ARHGAP42: variants seen among roughly 807,000 people sequenced by gnomAD.
The protein encoded by ARHGAP42 is Rho GTPase activating protein 42, also known as rho GTPase-activating protein 42.
Under a neutral mutation model 125.0 loss-of-function variants are expected in ARHGAP42, and 63 were observed. The ratio of observed to expected loss-of-function variants is 0.50; its 90% confidence interval spans 0.41 to 0.62. The LOEUF (loss-of-function observed/expected upper bound fraction) is 0.62. ARHGAP42 is among the 20% of genes least tolerant of loss of function. The pLI is 0.00. For missense variants in ARHGAP42, 766 were observed against 1,024.2 expected, an observed-to-expected ratio of 0.75 and a Z score of 3.44; for synonymous variants, 339 against 351.0, an observed-to-expected ratio of 0.97 and a Z score of 0.38.
chr11:100,757,198 T>TTAGCTA (rs1862597326), intron 1 of ARHGAP42, among the ~76,000 whole-genome samples: 1 of 152,202 alleles, frequency 6.6e-6, no homozygotes, highest in African/African-American at 2.4e-5. Context: ...TATTTGCTAC[T>TTAGCTA]TAGCTAAATC....
At chr11:100,985,839 T>C (rs1259034020) in intron 22 of ARHGAP42, among the ~76,000 whole-genome samples, 2 of 152,180 alleles carry the variant, frequency 1.3e-5, no homozygotes, top group Admixed American at 6.5e-5. Flanking sequence ...TGGCTGGACC[T>C]CATTCTGGAA....
At position 100,913,499 on chromosome 11, in the gene ARHGAP42, C is replaced by T. The variant is rs760202121; in HGVS notation, c.432C>T (p.Ile144=). Residue 144 remains isoleucine, a synonymous_variant, in exon 5 of 24, where the codon ATC becomes ATT. Transcript: ENST00000298815. The stretch of plus-strand genomic sequence containing the variant: ...AAGAGAGTGAAAAATATTACTCTAT[C>T]CTTGAAAAGCATTTAAATTTGTCCG... ...FDKESEKYYS[I]LEKHLNLSAK... is the part of the protein sequence containing the mutation. 4.6e-6 allele frequency: 6 copies of T among 1,297,706 alleles called. No homozygotes were observed. In the African/African-American group the frequency reaches 7.6e-5, roughly 17 times the overall value. The allele number at this position is 1,297,706 out of a possible 1,614,324, so 80.4% of individuals were successfully genotyped here.
chr11:100,887,825 T>A (rs1438335886), intron 4 of ARHGAP42, among the ~76,000 whole-genome samples: 2 of 152,148 alleles, frequency 1.3e-5, no homozygotes, highest in African/African-American at 4.8e-5. Flanking sequence ...TAGTGGTTGA[T>A]AGGGGCAGGA....
chr11:100,719,919 G>A (rs1388454722), intron 1 of ARHGAP42, among the ~76,000 whole-genome samples: 2 of 152,154 alleles, frequency 1.3e-5, no homozygotes, highest in Middle Eastern at 3.2e-3. Flanking sequence ...AGTTTTCCAG[G>A]CTGTAGTTTC....
intron 9 of ARHGAP42, among the ~76,000 whole-genome samples, chr11:100,942,648 C>T (rs780539894): frequency 9.2e-5 from 14 of 152,208 alleles, no homozygotes; most frequent in South Asian, 2.1e-4. Flanking sequence ...GTAAGTGCCT[C>T]GCCCAATTAG....
At chr11:100,764,869 T>TAA in intron 1 of ARHGAP42, among the ~76,000 whole-genome samples, 1 of 152,268 alleles carries the variant, frequency 6.6e-6, no homozygotes, top group Middle Eastern at 3.4e-3. Context: ...TAGGTTAGGT[T>TAA]TACAAATCAG....
chr11:100,803,452 G>C (rs1454256384), intron 3 of ARHGAP42, among the ~76,000 whole-genome samples: 4 of 152,152 alleles, frequency 2.6e-5, no homozygotes, highest in Admixed American at 1.3e-4. Flanking sequence ...GGTTCATCGA[G>C]TCCACAGTTT....
At position 100,992,563 on chromosome 11, in the gene ARHGAP42, T is replaced by C. The variant is rs114921248; in HGVS notation, c.*3762T>C. On this transcript the variant is annotated 3_prime_UTR_variant, in exon 24 of 24. Transcript: ENST00000298815. ...GTCTCCTGTTGATTCGCAGATGTAA[T>C]ATCGAGTATTCATCAACTGGTCTCA... The C allele has an allele frequency of 4.0e-5, 65 of 1,614,118 alleles. No homozygotes were observed. In the East Asian group the frequency reaches 9.1e-4, roughly 23 times the overall value.
chr11:100,742,116 G>A (rs183416118), intron 1 of ARHGAP42, among the ~76,000 whole-genome samples: 1 of 152,214 alleles, frequency 6.6e-6, no homozygotes, highest in African/African-American at 2.4e-5. Flanking sequence ...GCTCACTGTG[G>A]ATCAAATACT....
intron 8 of ARHGAP42, among the ~76,000 whole-genome samples, chr11:100,936,791 G>A: frequency 6.6e-6 from 1 of 152,220 alleles, no homozygotes; most frequent in East Asian, 1.9e-4. Flanking sequence ...CTGAGGTTCG[G>A]AAATAAGTAC....
At chr11:100,931,165 A>T (rs1867570238) in intron 6 of ARHGAP42, among the ~76,000 whole-genome samples, 2 of 152,198 alleles carry the variant, frequency 1.3e-5, no homozygotes, top group African/African-American at 4.8e-5. Context: ...CAAAAGTATC[A>T]GGTGCGGAAT....
chr11:100,788,497 T>G (rs1416988878), intron 2 of ARHGAP42, among the ~76,000 whole-genome samples: 1 of 152,224 alleles, frequency 6.6e-6, no homozygotes, highest in Non-Finnish European at 1.5e-5. Context: ...CTGTGACTTT[T>G]TTTTCTGTTG....
intron 4 of ARHGAP42, among the ~76,000 whole-genome samples, chr11:100,907,698 C>G (rs1307545123): frequency 6.6e-6 from 1 of 152,178 alleles, no homozygotes; most frequent in Admixed American, 6.5e-5. Flanking sequence ...GCAACTGGCC[C>G]TTCTGGGAAT....
intron 3 of ARHGAP42, among the ~76,000 whole-genome samples, chr11:100,817,603 C>T (rs1019821561): frequency 6.6e-6 from 1 of 152,176 alleles, no homozygotes; most frequent in African/African-American, 2.4e-5. Flanking sequence ...ACATTTTACA[C>T]ATTTGTATAA....
intron 1 of ARHGAP42, among the ~76,000 whole-genome samples, chr11:100,766,155 A>G (rs534226012): frequency 2.5e-4 from 38 of 152,056 alleles, no homozygotes; most frequent in Non-Finnish European, 4.9e-4. Context: ...CTTTTGAGTT[A>G]TGATGTGAAT....
At chr11:100,940,525 G>T (rs551829486) in intron 8 of ARHGAP42, among the ~76,000 whole-genome samples, 1 of 152,112 alleles carries the variant, frequency 6.6e-6, no homozygotes, top group African/African-American at 2.4e-5. Flanking sequence ...TCTACGCCCT[G>T]ATAAATTCCC....
At chr11:100,861,789 A>G (rs1865451046) in intron 4 of ARHGAP42, among the ~76,000 whole-genome samples, 1 of 152,236 alleles carries the variant, frequency 6.6e-6, no homozygotes, top group African/African-American at 2.4e-5. Flanking sequence ...TGAGACATCC[A>G]TGTGATGTTG....
intron 3 of ARHGAP42, among the ~76,000 whole-genome samples, chr11:100,826,185 A>T (rs534306230): frequency 6.6e-6 from 1 of 152,172 alleles, no homozygotes; most frequent in African/African-American, 2.4e-5. Context: ...TAATTTCTGG[A>T]CAAAGAATTT....
intron 2 of ARHGAP42, among the ~76,000 whole-genome samples, chr11:100,780,277 G>T (rs1248439262): frequency 6.6e-6 from 1 of 151,976 alleles, no homozygotes; most frequent in Non-Finnish European, 1.5e-5. Flanking sequence ...TCAGGGAGGT[G>T]GATAGAGAGT....
Sources: gnomAD v4.1 joint callset for allele counts (sites outside exome capture counted in the v4.1 genomes callset) on GRCh38, gnomAD v4.1.1 for gene constraint, MANE v1.5 for transcripts, NCBI Gene and HGNC (gene_info 2026-07-23, HGNC 2026-07-21) for gene names.